Variants in EYA4 observed in about 807,000 individuals in gnomAD.
EYA4 encodes protein phosphatase EYA4.
A neutral mutation model predicts 87.9 loss-of-function variants in EYA4; 31 were observed. That is an observed-to-expected ratio of 0.35 (90% CI 0.27 to 0.48). The LOEUF (loss-of-function observed/expected upper bound fraction) is 0.48, where lower values mean the gene tolerates loss of function less well. Among genes scored for constraint, EYA4 ranks in the 20% least tolerant of loss-of-function variants. The pLI is 0.99. For missense variants in EYA4, 678 were observed against 761.4 expected, an observed-to-expected ratio of 0.89 and a Z score of 1.29; for synonymous variants, 263 against 270.6, an observed-to-expected ratio of 0.97 and a Z score of 0.28.
rs1060502993 is a variant in EYA4, at chr6:133,462,747, A to T, written c.707A>T (p.Tyr236Phe). 1 of 1,613,876 alleles carries T rather than the reference A, an allele frequency of 6.2e-7. No homozygotes were observed. The highest frequency in any genetic ancestry group is 1.1e-5 in the South Asian group (1 of 91,088). ...ACCCCACAGCCAGGCCAGACACCTT[A>T]TTCTTACCAAATGCCAGGTAAGTAG... ...FSTPQPGQTP[Y>F]SYQMPGSSFA... is the part of the protein sequence containing the mutation. Residue 236 changes from tyrosine (Y) to phenylalanine (F), a missense_variant, in exon 9 of 20, where the codon TAT becomes TTT. Coordinates refer to ENST00000355286, the MANE Select transcript of EYA4 (RefSeq NM_004100.5).
In EYA4 at chr6:133,462,490, TTC is replaced by T; in HGVS notation, c.580+15_580+16del. ...TTGCCCACTTACGGTATTTCACATC[TTC>T]TGTTTTCTTCTTTGGTTATAGGCAG... On this transcript the variant is annotated intron_variant, in intron 8 of 19. Transcript: ENST00000355286. 1.3e-6 allele frequency: 2 copies of T among 1,581,078 alleles called. No individual in the cohort carries two copies. Among genetic ancestry groups the T allele is most frequent in the Non-Finnish European group, 1.7e-6 (2 of 1,179,074 alleles).
intron 2 of EYA4, among the ~76,000 whole-genome samples, chr6:133,294,393 A>G (rs1778789343): frequency 6.9e-6 from 1 of 144,862 alleles, no homozygotes; most frequent in South Asian, 2.2e-4. Flanking sequence ...TTTAAGAGAC[A>G]GTCTTACTTC....
intron 11 of EYA4, among the ~76,000 whole-genome samples, chr6:133,477,813 GAC>G (rs10538879): frequency 0.74 from 110,826 of 149,710 alleles, 41,003 homozygotes; most frequent in Non-Finnish European, 0.76. Flanking sequence ...GTTTAAGTCA[GAC>G]ACACACACAC....
At chr6:133,486,486 ATAGT>A (rs79516332) in intron 13 of EYA4, among the ~76,000 whole-genome samples, 7,076 of 152,224 alleles carry the variant, frequency 0.046, 514 homozygotes, top group African/African-American at 0.15. Context: ...CATTTAACAA[ATAGT>A]TAGTAATATC....
At chr6:133,491,606 G>A (rs1797159516) in intron 13 of EYA4, among the ~76,000 whole-genome samples, 1 of 152,026 alleles carries the variant, frequency 6.6e-6, no homozygotes, top group Admixed American at 6.6e-5. Context: ...TCATGAAGAA[G>A]TCCAAAACGT....
chr6:133,475,851 T>C (rs1030094377), intron 11 of EYA4, among the ~76,000 whole-genome samples: 22 of 152,166 alleles, frequency 1.4e-4, no homozygotes, highest in Non-Finnish European at 2.8e-4. Flanking sequence ...GCAAAAGGAA[T>C]AGAGGTCAGT....
In EYA4 at chr6:133,297,377, G is replaced by A. The variant is rs550480101; in HGVS notation, c.33+22564G>A. Among the ~76,000 whole-genome samples, 200 of 152,312 alleles carry A rather than the reference G, an allele frequency of 1.3e-3. 2 individuals carry two copies. Among genetic ancestry groups the A allele is most frequent in the Admixed American group, 6.7e-3 (103 of 15,300 alleles). ...ATCCCAAATTGAATATTGCGGGCTT[G>A]TGGTTAGGAATTGTCAGGAACAGTG... On this transcript the variant is annotated intron_variant, in intron 2 of 19. Transcript: ENST00000355286.
chr6:133,348,626 C>T (rs1303112066), intron 2 of EYA4, among the ~76,000 whole-genome samples: 1 of 152,028 alleles, frequency 6.6e-6, no homozygotes, highest in Non-Finnish European at 1.5e-5. Flanking sequence ...CTTTAAATAC[C>T]ATTTTTTATA....
At chr6:133,331,990 G>A (rs571964985) in intron 2 of EYA4, among the ~76,000 whole-genome samples, 1 of 152,310 alleles carries the variant, frequency 6.6e-6, no homozygotes, top group South Asian at 2.1e-4. Flanking sequence ...CACTGCCTCC[G>A]ACCAGGGTTA....
In EYA4 at chr6:133,400,738, G is replaced by A. The variant is rs552923086; in HGVS notation, c.83+18297G>A. 5.7e-4 allele frequency among the ~76,000 whole-genome samples: 86 copies of A among 152,162 alleles called. 1 individual carries two copies. Among genetic ancestry groups the A allele is most frequent in the South Asian group, 3.7e-3 (18 of 4,820 alleles). ...CAGTGTTATTTTTAAATACCTTGGA[G>A]ATATCTTAAATTGTTATTTAGAATG... On this transcript the variant is annotated intron_variant, in intron 3 of 19. Transcript: ENST00000355286.
chr6:133,337,180 C>G (rs944704989), intron 2 of EYA4, among the ~76,000 whole-genome samples: 2 of 152,132 alleles, frequency 1.3e-5, no homozygotes, highest in African/African-American at 2.4e-5. Flanking sequence ...GTGTCTGTAG[C>G]AGAGAGAGTC....
At chr6:133,518,556 T>C (rs1349182151) in intron 17 of EYA4, among the ~76,000 whole-genome samples, 1 of 152,152 alleles carries the variant, frequency 6.6e-6, no homozygotes, top group African/African-American at 2.4e-5. Flanking sequence ...CTAGCAAAAT[T>C]AACTTACCCT....
chr6:133,463,608 G>T (rs1157597259), intron 9 of EYA4, among the ~76,000 whole-genome samples: 1 of 151,994 alleles, frequency 6.6e-6, no homozygotes, highest in East Asian at 1.9e-4. Flanking sequence ...TGACCCGCCC[G>T]CCACGGCCTC....
intron 11 of EYA4, among the ~76,000 whole-genome samples, chr6:133,472,554 A>G (rs1375115107): frequency 1.8e-5 from 1 of 54,714 alleles, no homozygotes; most frequent in Non-Finnish European, 3.0e-5. Flanking sequence ...GTGGTGCTGA[A>G]AAAAATGTAT....
intron 1 of EYA4, among the ~76,000 whole-genome samples, chr6:133,273,923 G>C (rs568312952): frequency 6.6e-6 from 1 of 151,984 alleles, no homozygotes; most frequent in Non-Finnish European, 1.5e-5. Context: ...GTGTGTGTGC[G>C]TGTATGTGTT....
chr6:133,250,685 G>A (rs1195744787), intron 1 of EYA4, among the ~76,000 whole-genome samples: 2 of 152,058 alleles, frequency 1.3e-5, no homozygotes, highest in African/African-American at 4.8e-5. Context: ...TATGGAGCCA[G>A]GCACTTGGGT....
intron 2 of EYA4, among the ~76,000 whole-genome samples, chr6:133,290,234 C>T (rs1434700137): frequency 1.3e-5 from 2 of 152,130 alleles, no homozygotes; most frequent in Admixed American, 6.5e-5. Context: ...CAGAATCTTA[C>T]CCCGGGAAGT....
intron 13 of EYA4, among the ~76,000 whole-genome samples, chr6:133,501,735 A>G (rs2128750077): frequency 6.6e-6 from 1 of 152,086 alleles, no homozygotes; most frequent in Admixed American, 6.5e-5. Flanking sequence ...CAAGAGGTTG[A>G]TGTCTTTAAA....
At position 133,500,880 on chromosome 6, in the gene EYA4, G is replaced by T. The variant is rs544063227; in HGVS notation, c.1192-5226G>T. On this transcript the variant is annotated intron_variant, in intron 13 of 19. Transcript: ENST00000355286. ...CTCCTTCTCTGCTCTTTCCAGCTTT[G>T]CCATAACATGACACTTGCCAAGTCT... 5.3e-5 allele frequency among the ~76,000 whole-genome samples: 8 copies of T among 152,246 alleles called. No homozygotes were observed. The South Asian group carries it at 1.7e-3, about 32-fold the overall frequency.
Sources: gnomAD v4.1 joint callset for allele counts (sites outside exome capture counted in the v4.1 genomes callset) on GRCh38, gnomAD v4.1.1 for gene constraint, MANE v1.5 for transcripts, NCBI Gene and HGNC (gene_info 2026-07-23, HGNC 2026-07-21) for gene names.